The following GALNT17 variants were observed in gnomAD, a reference collection of about 807,000 sequenced individuals.
The protein encoded by GALNT17 is polypeptide N-acetylgalactosaminyltransferase 17.
GALNT17 carries 29 observed loss-of-function variants against 63.7 expected under a neutral mutation model. The observed-to-expected ratio is 0.46, with a 90% CI of 0.34 to 0.62. The LOEUF (loss-of-function observed/expected upper bound fraction) is 0.62, where lower values mean the gene tolerates loss of function less well. GALNT17 is among the 20% of genes least tolerant of loss of function. The pLI is 0.01. For synonymous variants in GALNT17, 305 were observed against 318.3 expected (o/e 0.96, Z 0.45); for missense variants, 603 against 799.6 (o/e 0.75, Z 2.97).
At chr7:71,711,886 CTT>C (rs1375961063) in intron 10 of GALNT17, 130 bp from the exon 11 acceptor site, 10 of 1,006,306 alleles carry the variant, frequency 9.9e-6, no homozygotes, top group South Asian at 1.5e-5. Context: ...CTGTCTCTCT[CTT>C]TCTCTTCTCT....
At chr7:71,205,540 A>G (rs929199216) in intron 1 of GALNT17, among the ~76,000 whole-genome samples, 2 of 152,056 alleles carry the variant, frequency 1.3e-5, no homozygotes, top group Non-Finnish European at 2.9e-5. Context: ...CTTCCATCAC[A>G]GCCACTCTAG....
At chr7:71,488,525 C>T (rs553143694) in intron 5 of GALNT17, among the ~76,000 whole-genome samples, 24 of 151,670 alleles carry the variant, frequency 1.6e-4, no homozygotes, top group African/African-American at 5.8e-4. Flanking sequence ...TAACACAATC[C>T]CAGCTCCACC....
chr7:71,229,523 G>A (rs1042135316), intron 1 of GALNT17, among the ~76,000 whole-genome samples: 1 of 152,222 alleles, frequency 6.6e-6, no homozygotes, highest in Admixed American at 6.5e-5. Flanking sequence ...GATAGCCGAT[G>A]AGTCTGAAGA....
intron 10 of GALNT17, among the ~76,000 whole-genome samples, chr7:71,711,239 G>C (rs922168445): frequency 6.6e-6 from 1 of 152,036 alleles, no homozygotes; most frequent in African/African-American, 2.4e-5. Flanking sequence ...GAGACCATCA[G>C]ACCAAGAATA....
chr7:71,568,724 G>T (rs1789389434), intron 5 of GALNT17, among the ~76,000 whole-genome samples: 1 of 152,092 alleles, frequency 6.6e-6, no homozygotes, highest in Admixed American at 6.5e-5. Context: ...TTATGTAAGG[G>T]TGACTATAAA....
chr7:71,649,677 G>T (rs1441794076), intron 6 of GALNT17, among the ~76,000 whole-genome samples: 1 of 151,706 alleles, frequency 6.6e-6, no homozygotes, highest in Non-Finnish European at 1.5e-5. Context: ...GGGTTAAAAG[G>T]TCCAGTGTTA....
At chr7:71,226,107 G>T (rs903860114) in intron 1 of GALNT17, among the ~76,000 whole-genome samples, 80 of 152,262 alleles carry the variant, frequency 5.3e-4, no homozygotes, top group African/African-American at 1.9e-3. Context: ...TATTAATAAA[G>T]AATTAACTAT....
intron 3 of GALNT17, among the ~76,000 whole-genome samples, chr7:71,401,170 A>T (rs1397585692): frequency 6.8e-6 from 1 of 147,780 alleles, no homozygotes; most frequent in Non-Finnish European, 1.5e-5. Context: ...ATCTCAGCTC[A>T]CTGCAACCTC....
intron 5 of GALNT17, among the ~76,000 whole-genome samples, chr7:71,488,549 A>C (rs1470764333): frequency 6.8e-6 from 1 of 147,738 alleles, no homozygotes; most frequent in Non-Finnish European, 1.5e-5. Context: ...AGATATTCCC[A>C]CTGGGCAAGC....
At chr7:71,402,842 C>T (rs1294697283) in intron 3 of GALNT17, among the ~76,000 whole-genome samples, 1 of 152,142 alleles carries the variant, frequency 6.6e-6, no homozygotes, top group Non-Finnish European at 1.5e-5. Flanking sequence ...TCCTGTGTCG[C>T]TGAGGCTCTG....
intron 1 of GALNT17, among the ~76,000 whole-genome samples, chr7:71,210,661 G>A (rs1176883195): frequency 6.6e-6 from 1 of 152,210 alleles, no homozygotes; most frequent in Non-Finnish European, 1.5e-5. Context: ...TTTAGTGACA[G>A]TGCAGTGGAC....
At chr7:71,384,496 T>G (rs757966535) in intron 2 of GALNT17, among the ~76,000 whole-genome samples, 21 of 152,350 alleles carry the variant, frequency 1.4e-4, no homozygotes, top group South Asian at 8.3e-4. Flanking sequence ...TCCCACAGTT[T>G]CCGTCCCATG....
intron 2 of GALNT17, among the ~76,000 whole-genome samples, chr7:71,375,940 G>A (rs993649875): frequency 1.3e-5 from 2 of 152,122 alleles, no homozygotes; most frequent in African/African-American, 4.8e-5. Flanking sequence ...TAGCCGGTGC[G>A]GTGGCGTGCG....
intron 1 of GALNT17, among the ~76,000 whole-genome samples, chr7:71,243,802 G>A (rs868419943): frequency 2.6e-5 from 4 of 152,064 alleles, no homozygotes; most frequent in African/African-American, 4.8e-5. Flanking sequence ...AAAAAACAAC[G>A]GCCAAACTTG....
chr7:71,182,706 A>G (rs1788756031), intron 1 of GALNT17, among the ~76,000 whole-genome samples: 1 of 152,090 alleles, frequency 6.6e-6, no homozygotes, highest in Non-Finnish European at 1.5e-5. Context: ...ATGTTACAGC[A>G]GATCTTGTGT....
intron 1 of GALNT17, among the ~76,000 whole-genome samples, chr7:71,186,549 G>C (rs954205189): frequency 6.6e-6 from 1 of 152,186 alleles, no homozygotes; most frequent in South Asian, 2.1e-4. Flanking sequence ...CTTGGACTTA[G>C]CAGGTGGGAG....
At chr7:71,234,068 A>G (rs1436819904) in intron 1 of GALNT17, among the ~76,000 whole-genome samples, 1 of 152,136 alleles carries the variant, frequency 6.6e-6, no homozygotes, top group Non-Finnish European at 1.5e-5. Context: ...CCCTCTTTCA[A>G]TACTGGAGAT....
At chr7:71,564,278 C>CTTTTTTTTTGT (rs1789302740) in intron 5 of GALNT17, among the ~76,000 whole-genome samples, 1 of 98,012 alleles carries the variant, frequency 1.0e-5, no homozygotes, top group Non-Finnish European at 1.9e-5. Flanking sequence ...CTTTTCTTTT[C>CTTTTTTTTTGT]TTTTTTTTTT....
At chr7:71,336,774 A>G (rs944176287) in intron 2 of GALNT17, among the ~76,000 whole-genome samples, 4 of 152,212 alleles carry the variant, frequency 2.6e-5, no homozygotes, top group African/African-American at 9.7e-5. Flanking sequence ...TTTCTTTGCT[A>G]CAGTGAATAG....
Sources: gnomAD v4.1 joint callset for allele counts (sites outside exome capture counted in the v4.1 genomes callset) on GRCh38, gnomAD v4.1.1 for gene constraint, MANE v1.5 for transcripts, NCBI Gene and HGNC (gene_info 2026-07-23, HGNC 2026-07-21) for gene names.